TPP2: variants seen among roughly 807,000 people sequenced by gnomAD.
TPP2 encodes tripeptidyl peptidase 2.
A neutral mutation model predicts 155.9 loss-of-function variants in TPP2; 34 were observed. That is an observed-to-expected ratio of 0.22 (90% CI 0.17 to 0.29). The LOEUF (loss-of-function observed/expected upper bound fraction) is 0.29. Among genes scored for constraint, TPP2 ranks in the 10% least tolerant of loss-of-function variants. The pLI, the probability that TPP2 is intolerant of heterozygous loss-of-function variation, is 1.00. For missense variants in TPP2, 1,028 were observed against 1,522.3 expected, an observed-to-expected ratio of 0.68 and a Z score of 5.40; for synonymous variants, 510 against 529.4, an observed-to-expected ratio of 0.96 and a Z score of 0.50.
At chr13:102,621,382 G>A (rs1055915051) in intron 5 of TPP2, among the ~76,000 whole-genome samples, 15 of 152,128 alleles carry the variant, frequency 9.9e-5, no homozygotes, top group African/African-American at 3.1e-4. Context: ...TGTTGGGAAC[G>A]TCTGAACCAG....
intron 1 of TPP2, among the ~76,000 whole-genome samples, chr13:102,602,441 G>C (rs117472581): frequency 0.038 from 5,835 of 151,936 alleles, 168 homozygotes; most frequent in Non-Finnish European, 0.055. Context: ...ACTATTATAG[G>C]ACAGTTCCCA....
chr13:102,607,314 C>T (rs945869693), intron 2 of TPP2, among the ~76,000 whole-genome samples: 1 of 152,086 alleles, frequency 6.6e-6, no homozygotes, highest in African/African-American at 2.4e-5. Context: ...ATCCAAAATC[C>T]GAAATGCTCC....
intron 4 of TPP2, among the ~76,000 whole-genome samples, chr13:102,617,873 A>G (rs1880867040): frequency 1.3e-5 from 2 of 152,224 alleles, no homozygotes; most frequent in Admixed American, 1.3e-4. Context: ...GTTCCAGTAA[A>G]GCTTCATTTA....
intron 1 of TPP2, among the ~76,000 whole-genome samples, chr13:102,598,213 C>T (rs1425903230): frequency 6.6e-6 from 1 of 152,200 alleles, no homozygotes; most frequent in African/African-American, 2.4e-5. Context: ...CAAGATCCAT[C>T]TCCCAGCATC....
At chr13:102,628,241 A>G (rs1881782098) in intron 8 of TPP2, among the ~76,000 whole-genome samples, 1 of 152,036 alleles carries the variant, frequency 6.6e-6, no homozygotes, top group Non-Finnish European at 1.5e-5. Flanking sequence ...TTCTTCTGAG[A>G]TATGCAACCC....
intron 26 of TPP2, 131 bp from the exon 27 acceptor site, chr13:102,664,663 TG>T: frequency 1.1e-6 from 1 of 883,860 alleles, no homozygotes; most frequent in Non-Finnish European, 1.6e-6. Context: ...AGGGAGCCCC[TG>T]GGCTACAAGT....
intron 2 of TPP2, among the ~76,000 whole-genome samples, chr13:102,606,146 A>G (rs1191686538): frequency 6.6e-6 from 1 of 152,212 alleles, no homozygotes. Flanking sequence ...GATGGCAAGA[A>G]TTTGTGATCC....
In TPP2 at chr13:102,651,177, G is replaced by A. The variant is rs541227587; in HGVS notation, c.2953-182G>A. ...AACATATTTGAGTACTTTTTCTTATGTAAGGAATGAAAGTGGCAATGTTGC... is the reference window on the plus strand; with the variant it reads ...AACATATTTGAGTACTTTTTCTTATATAAGGAATGAAAGTGGCAATGTTGC... On this transcript the variant is annotated intron_variant, in intron 23 of 29. Coordinates refer to ENST00000376052, the MANE Select transcript of TPP2 (RefSeq NM_001330588.2). Among the ~76,000 whole-genome samples, 4 of 152,260 alleles carry A rather than the reference G, an allele frequency of 2.6e-5. No individual in the cohort carries two copies. In the South Asian group the frequency reaches 6.2e-4, roughly 24 times the overall value.
intron 1 of TPP2, among the ~76,000 whole-genome samples, chr13:102,602,188 C>T (rs1205897286): frequency 6.6e-6 from 1 of 152,172 alleles, no homozygotes; most frequent in Non-Finnish European, 1.5e-5. Context: ...ATGATTAGTA[C>T]ATGACCTAGC....
At chr13:102,633,481 A>G (rs1291045604) in intron 10 of TPP2, among the ~76,000 whole-genome samples, 1 of 152,226 alleles carries the variant, frequency 6.6e-6, no homozygotes, top group Non-Finnish European at 1.5e-5. Context: ...AATTAATTGC[A>G]TTAATGTCTT....
At chr13:102,628,218 G>C (rs1441332554) in intron 8 of TPP2, among the ~76,000 whole-genome samples, 3 of 151,984 alleles carry the variant, frequency 2.0e-5, no homozygotes, top group Non-Finnish European at 4.4e-5. Context: ...CCTTGGTTAG[G>C]TCTCCCTCAC....
At position 102,604,829 on chromosome 13, in the gene TPP2, A is replaced by G. The variant is rs765233920; in HGVS notation, c.202A>G (p.Ile68Val). Residue 68 changes from isoleucine (I) to valine (V), a missense_variant, in exon 2 of 30, where the codon ATT becomes GTT. Transcript: ENST00000376052. The stretch of plus-strand genomic sequence containing the variant: ...TGGAAAACCAAAAATCGTTGATATC[A>G]TTGATACAACAGGAAGTGGCGATGT... ...TDGKPKIVDI[I>V]DTTGSGDVNT... is the part of the protein sequence containing the mutation. 6.8e-6 allele frequency: 11 copies of G among 1,613,466 alleles called. No individual in the cohort carries two copies. In the Admixed American group the frequency reaches 8.4e-5, roughly 12 times the overall value.
At chr13:102,601,430 C>A (rs1276333400) in intron 1 of TPP2, among the ~76,000 whole-genome samples, 1 of 152,188 alleles carries the variant, frequency 6.6e-6, no homozygotes, top group Non-Finnish European at 1.5e-5. Flanking sequence ...TTTGGCAAAT[C>A]TTCCAACCTT....
intron 23 of TPP2, among the ~76,000 whole-genome samples, chr13:102,649,798 TG>T (rs1192887415): frequency 2.0e-5 from 3 of 151,750 alleles, no homozygotes; most frequent in Non-Finnish European, 4.4e-5. Flanking sequence ...AAATCAAACT[TG>T]GCTTAAATAC....
intron 16 of TPP2, among the ~76,000 whole-genome samples, chr13:102,642,106 T>C (rs1238033090): frequency 6.6e-6 from 1 of 152,222 alleles, no homozygotes; most frequent in Non-Finnish European, 1.5e-5. Flanking sequence ...TTTTCTGGAC[T>C]TCTGTTTCAA....
chr13:102,604,030 CAG>C (rs1879628138), intron 1 of TPP2, among the ~76,000 whole-genome samples: 1 of 152,090 alleles, frequency 6.6e-6, no homozygotes, highest in Admixed American at 6.6e-5. Flanking sequence ...AGTAAAGAAT[CAG>C]AGGAGGATTG....
chr13:102,645,065 T>G, intron 19 of TPP2, 56 bp downstream of exon 19: 27 of 1,512,380 alleles, frequency 1.8e-5, no homozygotes, highest in Non-Finnish European at 2.3e-5. Flanking sequence ...GGGGGATCTC[T>G]TACACTCTTA....
rs1216789976 is a variant in TPP2 at position 102,614,093 on chromosome 13, T to G, written c.295-8T>G. 1 of 1,611,296 alleles carries G rather than the reference T, an allele frequency of 6.2e-7. No individual in the cohort carries two copies. Among genetic ancestry groups the G allele is most frequent in the Non-Finnish European group, 8.5e-7 (1 of 1,179,036 alleles). On this transcript the variant is annotated splice_region_variant and splice_polypyrimidine_tract_variant and intron_variant, in intron 2 of 29. Transcript: ENST00000376052. ...TGAATGAACAGGTTACTCTTTTTTTTTCTGTAGATTCCTGCAAGCTGGACA... is the reference window on the plus strand; with the variant it reads ...TGAATGAACAGGTTACTCTTTTTTTGTCTGTAGATTCCTGCAAGCTGGACA...
At chr13:102,649,304 G>A (rs1595188868) in intron 22 of TPP2, 104 bp from the exon 23 acceptor site, 1 of 1,435,702 alleles carries the variant, frequency 7.0e-7, no homozygotes, top group African/African-American at 1.4e-5. Context: ...TCTTAGCTAT[G>A]GGAATGAATT....
Sources: gnomAD v4.1 joint callset for allele counts (sites outside exome capture counted in the v4.1 genomes callset) on GRCh38, gnomAD v4.1.1 for gene constraint, MANE v1.5 for transcripts, NCBI Gene and HGNC (gene_info 2026-07-23, HGNC 2026-07-21) for gene names.